The following ERH variants were observed in gnomAD, a reference collection of about 807,000 sequenced individuals.
The protein encoded by ERH is ERH mRNA splicing and mitosis factor, also known as enhancer of rudimentary homolog.
In ERH, 1 loss-of-function variant was observed where a neutral mutation model predicts 16.8. The ratio of observed to expected loss-of-function variants is 0.06; its 90% CI spans 0.02 to 0.28. ERH has a LOEUF of 0.28. ERH is among the 10% of genes least tolerant of loss of function. ERH has a pLI of 1.00. For missense variants in ERH, 42 were observed against 127.5 expected, an observed-to-expected ratio of 0.33 and a Z score of 3.23; for synonymous variants, 43 against 43.6, an observed-to-expected ratio of 0.99 and a Z score of 0.05.
Position 69,398,295 on chromosome 14 carries a change from A to G in ERH, c.-62T>C, listed in dbSNP as rs1040508451. On this transcript the variant is annotated 5_prime_UTR_variant, in exon 1 of 4. Coordinates refer to ENST00000557016, the MANE Select transcript of ERH (RefSeq NM_004450.3). ...CCGCCGCCGTTACACGAGCTTAACT[A>G]CAACGCCGCTAACAGCCAATCCTCG... 6.2e-7 allele frequency: 1 copy of G among 1,612,218 alleles called. No homozygotes were observed. Among genetic ancestry groups the G allele is most frequent in the Non-Finnish European group, 8.5e-7 (1 of 1,179,110 alleles).
intron 3 of ERH, among the ~76,000 whole-genome samples, chr14:69,383,870 G>A (rs772584602): frequency 8.5e-5 from 13 of 152,082 alleles, no homozygotes; most frequent in Non-Finnish European, 1.2e-4. Context: ...TAATGCAGCC[G>A]GGCACAGTTG....
At chr14:69,390,018 C>T (rs1353926682) in intron 2 of ERH, among the ~76,000 whole-genome samples, 2 of 152,198 alleles carry the variant, frequency 1.3e-5, no homozygotes, top group Admixed American at 1.3e-4. Context: ...CTTGGCCTCC[C>T]AAAGTCCTGG....
intron 2 of ERH, among the ~76,000 whole-genome samples, chr14:69,392,162 G>A (rs552895544): frequency 6.8e-6 from 1 of 147,440 alleles, no homozygotes; most frequent in African/African-American, 2.5e-5. Context: ...TAAAAAAAAG[G>A]GGGGAGGAAA....
chr14:69,395,057 T>C (rs1882302883), intron 1 of ERH, 145 bp from the exon 2 acceptor site: 1 of 640,636 alleles, frequency 1.6e-6, no homozygotes, highest in Non-Finnish European at 2.7e-6. Context: ...CCCATGCCTA[T>C]AATCCTCATC....
In ERH at chr14:69,380,514, A is replaced by AC. The variant is rs542395083; in HGVS notation, c.*23dup. On this transcript the variant is annotated 3_prime_UTR_variant, in exon 4 of 4. Coordinates refer to ENST00000557016, the MANE Select transcript of ERH (RefSeq NM_004450.3). ...ACACCTGTGTTCCAAGCCCACCCCA[A>AC]CCCCCCCAGTGCTTCCAACACAATT... 4.0e-5 allele frequency: 49 copies of AC among 1,218,980 alleles called. No individual in the cohort carries two copies. Among genetic ancestry groups the AC allele is most frequent in the Admixed American group, 2.9e-4 (17 of 59,038 alleles). The allele number at this position is 1,218,980 out of a possible 1,614,324, so 75.5% of individuals were successfully genotyped here.
chr14:69,389,215 C>T (rs757908649), intron 2 of ERH, among the ~76,000 whole-genome samples: 3 of 152,130 alleles, frequency 2.0e-5, no homozygotes, highest in Non-Finnish European at 4.4e-5. Context: ...TTAGTAGAGA[C>T]GGGGTTTTGC....
intron 1 of ERH, 56 bp from the exon 2 acceptor site, chr14:69,394,968 G>T: frequency 7.9e-7 from 1 of 1,259,338 alleles, no homozygotes; most frequent in Non-Finnish European, 1.1e-6. Context: ...TTCATAGTAT[G>T]ATAAAAAAAA....
intron 1 of ERH, among the ~76,000 whole-genome samples, chr14:69,397,137 C>T (rs183978830): frequency 1.2e-4 from 19 of 152,164 alleles, no homozygotes; most frequent in Admixed American, 2.0e-4. Flanking sequence ...TACTTACTGC[C>T]CAAAGACAAG....
chr14:69,386,070 T>C (rs1193916170), intron 3 of ERH, among the ~76,000 whole-genome samples: 1 of 152,192 alleles, frequency 6.6e-6, no homozygotes, highest in Non-Finnish European at 1.5e-5. Context: ...TAAAGTACCA[T>C]GCAACATTCA....
At chr14:69,394,684 C>CA (rs1319924795) in intron 2 of ERH, 141 bp downstream of exon 2, 1 of 557,046 alleles carries the variant, frequency 1.8e-6, no homozygotes, top group Non-Finnish European at 3.2e-6. Flanking sequence ...CTAAAATTAG[C>CA]AATTCAATAA....
rs763456712 is a variant in ERH, at chr14:69,398,222, C to A, written c.3+9G>T. The A allele has an allele frequency of 1.2e-6, 2 of 1,614,090 alleles. No homozygotes were observed. The highest frequency in any genetic ancestry group is 2.2e-5 in the East Asian group (1 of 44,870). On this transcript the variant is annotated intron_variant, in intron 1 of 3. Coordinates refer to ENST00000557016, the MANE Select transcript of ERH (RefSeq NM_004450.3). Reference sequence around the variant, plus strand: ...CTCGGACTCGGGTAGCCGCGGAGGCCTTTCTCACCATCGCGCCAAACTCTC... The same window carrying A: ...CTCGGACTCGGGTAGCCGCGGAGGCATTTCTCACCATCGCGCCAAACTCTC...
intron 3 of ERH, 93 bp downstream of exon 3, chr14:69,386,870 G>T: frequency 1.7e-6 from 2 of 1,168,520 alleles, no homozygotes; most frequent in Non-Finnish European, 2.5e-6. Context: ...TCAGTATCAG[G>T]CACATAATTA....
At chr14:69,395,174 G>A (rs534270189) in intron 1 of ERH, among the ~76,000 whole-genome samples, 3 of 152,052 alleles carry the variant, frequency 2.0e-5, no homozygotes, top group Non-Finnish European at 4.4e-5. Context: ...TTTGCCGGGT[G>A]CATGCCTGTA....
At chr14:69,394,738 G>A (rs1206308910) in intron 2 of ERH, 87 bp downstream of exon 2, 6 of 779,232 alleles carry the variant, frequency 7.7e-6, no homozygotes, top group African/African-American at 1.8e-5. Context: ...TGGGGTGGAT[G>A]GACTATTAAA....
chr14:69,385,217 A>AG (rs2140229710), intron 3 of ERH, among the ~76,000 whole-genome samples: 1 of 152,322 alleles, frequency 6.6e-6, no homozygotes, highest in African/African-American at 2.4e-5. Flanking sequence ...GAGAGAGACT[A>AG]GGAAAAAAAT....
intron 3 of ERH, among the ~76,000 whole-genome samples, chr14:69,382,659 C>T (rs749082872): frequency 6.7e-6 from 1 of 149,160 alleles, no homozygotes; most frequent in African/African-American, 2.5e-5. Context: ...TTGTGAAACC[C>T]CGTCTCCACC....
chr14:69,380,827 G>C (rs1240430798), intron 3 of ERH, among the ~76,000 whole-genome samples, 187 bp from the exon 4 acceptor site: 2 of 152,184 alleles, frequency 1.3e-5, no homozygotes, highest in Non-Finnish European at 2.9e-5. Context: ...ATATCACCTA[G>C]TACAATCTTA....
chr14:69,391,169 C>T (rs2045921931), intron 2 of ERH, among the ~76,000 whole-genome samples: 1 of 152,176 alleles, frequency 6.6e-6, no homozygotes, highest in Non-Finnish European at 1.5e-5. Flanking sequence ...ACACAAAAGC[C>T]TACACAGAAA....
Position 69,380,529 on chromosome 14 carries a change from C to G in ERH, c.*9G>C. 17 of 1,082,854 alleles carry G rather than the reference C, an allele frequency of 1.6e-5. No homozygotes were observed. The highest frequency in any genetic ancestry group is 2.0e-5 in the Non-Finnish European group (14 of 715,186). The allele number at this position is 1,082,854 out of a possible 1,614,324, so 67.1% of individuals were successfully genotyped here. A position where few individuals can be genotyped will look rare whatever the true frequency, so the allele number is the denominator to read the frequency against. The stretch of plus-strand genomic sequence containing the variant: ...GCCCACCCCAACCCCCCCAGTGCTT[C>G]CAACACAATTATTTCCCAGCCTGTT... On this transcript the variant is annotated 3_prime_UTR_variant, in exon 4 of 4. Coordinates refer to ENST00000557016, the MANE Select transcript of ERH (RefSeq NM_004450.3).
Sources: allele counts gnomAD v4.1 joint callset (sites outside exome capture counted in the v4.1 genomes callset), GRCh38; gene constraint gnomAD v4.1.1; transcripts MANE v1.5; gene names NCBI Gene and HGNC (gene_info 2026-07-23, HGNC 2026-07-21).